Variants in BTBD9 observed in about 807,000 individuals in gnomAD.
The protein encoded by BTBD9 is BTB/POZ domain-containing protein 9.
BTBD9 carries 49 observed loss-of-function variants against 64.3 expected under a neutral mutation model. The observed-to-expected ratio is 0.76, with a 90% CI of 0.61 to 0.97. BTBD9 has a LOEUF of 0.97. Among genes scored for constraint, BTBD9 ranks in the 50% least tolerant of loss-of-function variants. BTBD9 has a pLI of 0.00. For synonymous variants in BTBD9, 260 were observed against 274.7 expected, an observed-to-expected ratio of 0.95 and a Z score of 0.53; for missense variants, 598 against 762.1, an observed-to-expected ratio of 0.78 and a Z score of 2.53.
At chr6:38,252,098 G>A (rs986524306) in intron 9 of BTBD9, among the ~76,000 whole-genome samples, 1 of 152,102 alleles carries the variant, frequency 6.6e-6, no homozygotes, top group Non-Finnish European at 1.5e-5. Flanking sequence ...GGAGAACTAT[G>A]GAGGAAAATA....
At chr6:38,224,842 G>A (rs1763339601) in intron 9 of BTBD9, among the ~76,000 whole-genome samples, 1 of 152,226 alleles carries the variant, frequency 6.6e-6, no homozygotes, top group Non-Finnish European at 1.5e-5. Context: ...GTGTTAGGTA[G>A]TACTTACATT....
chr6:38,519,914 G>A (rs763774929), intron 6 of BTBD9, among the ~76,000 whole-genome samples: 38 of 152,106 alleles, frequency 2.5e-4, no homozygotes, highest in Non-Finnish European at 5.0e-4. Flanking sequence ...AAGCATTGCA[G>A]ACAAAGAAAG....
At chr6:38,487,626 G>GAGAGA (rs1771517360) in intron 6 of BTBD9, among the ~76,000 whole-genome samples, 1 of 117,568 alleles carries the variant, frequency 8.5e-6, no homozygotes, top group African/African-American at 3.4e-5. Context: ...AGAGAGAGAA[G>GAGAGA]GAAGGAAAGA....
chr6:38,416,316 A>G (rs1372379746), intron 6 of BTBD9, among the ~76,000 whole-genome samples: 1 of 149,370 alleles, frequency 6.7e-6, no homozygotes, highest in Non-Finnish European at 1.5e-5. Flanking sequence ...CCTATGGAGG[A>G]GTCAGGTGTC....
chr6:38,538,599 C>G (rs985461983), intron 6 of BTBD9, among the ~76,000 whole-genome samples: 14 of 151,866 alleles, frequency 9.2e-5, no homozygotes, highest in African/African-American at 3.4e-4. Context: ...TCACAATTTA[C>G]CTTAGTAAAC....
intron 6 of BTBD9, among the ~76,000 whole-genome samples, chr6:38,465,662 G>A (rs1304691442): frequency 1.4e-5 from 2 of 139,318 alleles, no homozygotes; most frequent in African/African-American, 5.4e-5. Flanking sequence ...ACTCCAGTCT[G>A]GGTGACAGAG....
chr6:38,596,904 G>T (rs994164117), intron 2 of BTBD9, among the ~76,000 whole-genome samples: 2 of 152,168 alleles, frequency 1.3e-5, no homozygotes, highest in African/African-American at 4.8e-5. Flanking sequence ...GTGTGCAGAG[G>T]ACAGAGGCTG....
chr6:38,405,912 T>G (rs182113787), intron 6 of BTBD9, among the ~76,000 whole-genome samples: 1 of 152,096 alleles, frequency 6.6e-6, no homozygotes, highest in Non-Finnish European at 1.5e-5. Context: ...TTTGAAAATG[T>G]CTTTGGGGGA....
chr6:38,528,779 G>C (rs1045758712), intron 6 of BTBD9, among the ~76,000 whole-genome samples: 2 of 152,212 alleles, frequency 1.3e-5, no homozygotes, highest in African/African-American at 4.8e-5. Context: ...GGAATAGCCA[G>C]GCAGGCAGTA....
chr6:38,190,972 G>T (rs1165828225), intron 10 of BTBD9, among the ~76,000 whole-genome samples: 2 of 152,124 alleles, frequency 1.3e-5, no homozygotes, highest in South Asian at 2.1e-4. Flanking sequence ...TAAAATTTTT[G>T]GGGGGATGCA....
chr6:38,495,825 G>T (rs1181268460), intron 6 of BTBD9, among the ~76,000 whole-genome samples: 2 of 152,058 alleles, frequency 1.3e-5, no homozygotes, highest in Admixed American at 6.5e-5. Flanking sequence ...TGGGGATGAT[G>T]ACAGACAGAA....
In BTBD9 at chr6:38,402,755, G is replaced by A. The variant is rs1016385875; in HGVS notation, c.1155-57662C>T. On this transcript the variant is annotated intron_variant, in intron 6 of 10. Transcript: ENST00000481247. ...GTATGTTATCATAACCTTAGATTAG[G>A]CAACAATTTCTTAGCAATGAAACCT... 1.1e-5 allele frequency: 8 copies of A among 697,650 alleles called. No individual in the cohort carries two copies. In the Admixed American group the frequency reaches 1.6e-4, roughly 14 times the overall value. 43.2% of individuals were successfully genotyped at this position (697,650 alleles called of 1,614,324 possible).
At chr6:38,597,769 A>T in intron 2 of BTBD9, 141 bp downstream of exon 2, 1 of 717,722 alleles carries the variant, frequency 1.4e-6, no homozygotes, top group Non-Finnish European at 2.3e-6. Flanking sequence ...AAAGTCTACA[A>T]GGATGAAATC....
chr6:38,425,987 T>C (rs1300445953), intron 6 of BTBD9, among the ~76,000 whole-genome samples: 1 of 149,944 alleles, frequency 6.7e-6, no homozygotes, highest in Non-Finnish European at 1.5e-5. Flanking sequence ...CCAGAAGCTA[T>C]AAAAGCAAGC....
At chr6:38,472,238 A>G (rs1219070487) in intron 6 of BTBD9, among the ~76,000 whole-genome samples, 1 of 152,230 alleles carries the variant, frequency 6.6e-6, no homozygotes, top group Non-Finnish European at 1.5e-5. Flanking sequence ...CATACAGTGC[A>G]AATATATAAC....
chr6:38,443,906 G>T (rs948843036), intron 6 of BTBD9, among the ~76,000 whole-genome samples: 2 of 152,138 alleles, frequency 1.3e-5, no homozygotes, highest in Admixed American at 6.5e-5. Context: ...TCAAAACGGA[G>T]CGGTTTTGAA....
rs193157081 is a variant in BTBD9 at position 38,448,605 on chromosome 6, C to A, written c.1155-103512G>T. 5.9e-5 allele frequency among the ~76,000 whole-genome samples: 9 copies of A among 152,282 alleles called. No individual in the cohort carries two copies. The East Asian group carries it at 1.5e-3, about 26-fold the overall frequency. On this transcript the variant is annotated intron_variant, in intron 6 of 10. Coordinates refer to ENST00000481247, the MANE Select transcript of BTBD9 (RefSeq NM_001099272.2). ...CAATCTTAACTCACTGCAACCTGCA[C>A]CTCTTGGGTTCATACAATTCTTGTG...
intron 6 of BTBD9, among the ~76,000 whole-genome samples, chr6:38,350,328 A>G (rs1415781371): frequency 2.0e-5 from 3 of 152,174 alleles, no homozygotes; most frequent in Non-Finnish European, 4.4e-5. Flanking sequence ...TAAGGCACAT[A>G]CAGTACACCT....
chr6:38,251,845 T>G (rs898118491), intron 9 of BTBD9, among the ~76,000 whole-genome samples: 1 of 150,286 alleles, frequency 6.7e-6, no homozygotes, highest in Non-Finnish European at 1.5e-5. Flanking sequence ...TGAGCCAAGA[T>G]TACGCCACTG....
Sources: gnomAD v4.1 joint callset for allele counts (sites outside exome capture counted in the v4.1 genomes callset) on GRCh38, gnomAD v4.1.1 for gene constraint, MANE v1.5 for transcripts, NCBI Gene and HGNC (gene_info 2026-07-23, HGNC 2026-07-21) for gene names.